UBTF: variants seen among roughly 807,000 people sequenced by gnomAD.
The protein encoded by UBTF is upstream binding transcription factor.
In UBTF, 8 loss-of-function variants were observed where a neutral mutation model predicts 112.3. That is an observed-to-expected ratio of 0.07 (90% CI 0.04 to 0.13). UBTF has a LOEUF of 0.13. Ranked by LOEUF, UBTF falls within the 10% of genes least tolerant of loss-of-function variation. UBTF has a pLI of 1.00. For synonymous variants in UBTF, 417 were observed against 373.1 expected, an observed-to-expected ratio of 1.12 and a Z score of -1.36; for missense variants, 457 against 982.1, an observed-to-expected ratio of 0.47 and a Z score of 7.15.
rs769509414 is a variant in UBTF at position 44,212,496 on chromosome 17, G to A, written c.661-42C>T. On this transcript the variant is annotated intron_variant, in intron 7 of 20. Transcript: ENST00000436088. Reference sequence around the variant, plus strand: ...GTCAGACACGCACAGGCAGCCAGGGGCAGGGGGAGGGGGGAAGGGGGAAGG... The same window carrying A: ...GTCAGACACGCACAGGCAGCCAGGGACAGGGGGAGGGGGGAAGGGGGAAGG... The A allele has an allele frequency of 2.8e-4, 352 of 1,237,482 alleles. 3 individuals carry two copies. In the Middle Eastern group the frequency reaches 6.7e-3, roughly 23 times the overall value. 76.7% of individuals were successfully genotyped at this position (1,237,482 alleles called of 1,614,324 possible). A position where few individuals can be genotyped will look rare whatever the true frequency, so the allele number is the denominator to read the frequency against.
Position 44,211,353 on chromosome 17 carries a change from G to T in UBTF, c.1048-22C>A. 6.2e-7 allele frequency: 1 copy of T among 1,613,656 alleles called. No individual in the cohort carries two copies. The highest frequency in any genetic ancestry group is 1.1e-5 in the South Asian group (1 of 91,008). On this transcript the variant is annotated intron_variant, in intron 10 of 20. Coordinates refer to ENST00000436088, the MANE Select transcript of UBTF (RefSeq NM_014233.4). The surrounding 1 kb of genome is among the most constrained non-coding windows in gnomAD (Gnocchi z 4.9). ...TTTTCTGGGAAAGTGAGTGGAGTCA[G>T]GATCAGTCTGGAGACAGTGTCACCA...
intron 17 of UBTF, among the ~76,000 whole-genome samples, chr17:44,208,347 T>C (rs1228617513): frequency 6.6e-6 from 1 of 152,178 alleles, no homozygotes; most frequent in African/African-American, 2.4e-5. Flanking sequence ...CAAGTGATCC[T>C]TCATACCTTG....
chr17:44,212,972 G>A (rs771267447), intron 6 of UBTF, 33 bp from the exon 7 acceptor site: 5 of 1,611,130 alleles, frequency 3.1e-6, no homozygotes, highest in Non-Finnish European at 4.2e-6. Flanking sequence ...GGATCAGCAG[G>A]GGACGCTGCC....
chr17:44,220,503 C>A (rs1188484043), upstream of UBTF, among the ~76,000 whole-genome samples: 1 of 104,466 alleles, frequency 9.6e-6, no homozygotes, highest in Non-Finnish European at 1.7e-5. Context: ...ACATACGAAA[C>A]TTAAAAAAAA....
intron 8 of UBTF, 94 bp downstream of exon 8, chr17:44,212,250 G>A (rs1014299570): frequency 9.2e-7 from 1 of 1,089,732 alleles, no homozygotes; most frequent in Non-Finnish European, 1.4e-6. Flanking sequence ...AGAGGGATGG[G>A]GAGTGACACC....
chr17:44,218,503 G>A (rs1461996888), intron 1 of UBTF: 2 of 410,682 alleles, frequency 4.9e-6, no homozygotes, highest in Non-Finnish European at 8.3e-6. Context: ...CCGGCTCCGC[G>A]GCGCGCGCCC....
chr17:44,214,397 G>C (rs1019577171), intron 5 of UBTF, among the ~76,000 whole-genome samples: 1 of 152,206 alleles, frequency 6.6e-6, no homozygotes, highest in Non-Finnish European at 1.5e-5. Context: ...ACTTACCAAA[G>C]GCCCCATACA....
rs776895433 is a variant in UBTF at position 44,207,477 on chromosome 17, C to T, written c.2146G>A (p.Asp716Asn). ...GGDSSESSSEDESEDGDENEE... is the reference protein window; with the variant it reads ...GGDSSESSSENESEDGDENEE... Reference sequence around the variant, plus strand: ...ACCTCATCCCCATCCTCGCTCTCGTCCTCGCTGCTGGACTCAGAGGAGTCG... The same window carrying T: ...ACCTCATCCCCATCCTCGCTCTCGTTCTCGCTGCTGGACTCAGAGGAGTCG... Residue 716 changes from aspartate to asparagine, a missense_variant, in exon 20 of 21, where the codon GAC becomes AAC. This residue lies in a region of UBTF where 139 missense variants were observed against 157.5 expected (regional missense o/e 0.88). Transcript: ENST00000436088. 2 of 1,614,118 alleles carry T rather than the reference C, an allele frequency of 1.2e-6. No individual in the cohort carries two copies. The highest frequency in any genetic ancestry group is 1.7e-6 in the Non-Finnish European group (2 of 1,180,004).
chr17:44,220,567 C>T (rs1450736724), upstream of UBTF, among the ~76,000 whole-genome samples: 5 of 152,004 alleles, frequency 3.3e-5, no homozygotes, highest in Non-Finnish European at 5.9e-5. Flanking sequence ...TTGCTCTTTA[C>T]ACCCCGGAAA....
chr17:44,212,953 G>C lies in UBTF; in HGVS notation c.540-14C>G, dbSNP rs529285755. On this transcript the variant is annotated splice_polypyrimidine_tract_variant and intron_variant, in intron 6 of 20. Coordinates refer to ENST00000436088, the MANE Select transcript of UBTF (RefSeq NM_014233.4). ...GGGTGATCCTCCCTAGCCAGGACACGGGGAGCAAGGATCAGCAGGGGACGC... is the reference window on the plus strand; with the variant it reads ...GGGTGATCCTCCCTAGCCAGGACACCGGGAGCAAGGATCAGCAGGGGACGC... 7 of 1,613,352 alleles carry C rather than the reference G, an allele frequency of 4.3e-6. No homozygotes were observed. The highest frequency in any genetic ancestry group is 5.9e-6 in the Non-Finnish European group (7 of 1,179,592).
Position 44,207,515 on chromosome 17 carries a change from G to A in UBTF, c.2108C>T (p.Ser703Phe). The A allele has an allele frequency of 6.2e-7, 1 of 1,613,892 alleles. No homozygotes were observed. Residue 703 changes from serine to phenylalanine, a missense_variant, in exon 20 of 21, where the codon TCT (serine) becomes TTT (phenylalanine). Around this residue, in one of 7 missense-constraint regions of UBTF, gnomAD observed 139 missense variants for 157.5 expected, o/e 0.88. Coordinates refer to ENST00000436088, the MANE Select transcript of UBTF (RefSeq NM_014233.4). Reference sequence around the variant, plus strand: ...CTCAGAGGAGTCGCCGCCATCTTCAGAGGAGTCCCCATTCTCATCATCTTC... The same window carrying A: ...CTCAGAGGAGTCGCCGCCATCTTCAAAGGAGTCCCCATTCTCATCATCTTC... ...EEEDDENGDS[S>F]EDGGDSSESS... is the part of the protein sequence containing the mutation.
chr17:44,212,800 C>T lies in UBTF; in HGVS notation c.660+19G>A. On this transcript the variant is annotated intron_variant, in intron 7 of 20. Coordinates refer to ENST00000436088, the MANE Select transcript of UBTF (RefSeq NM_014233.4). ...ACCGCCGTGCATCCTCCACCCCCAACCCTTGGCCGGACACTCACATCTGGC... is the reference window on the plus strand; with the variant it reads ...ACCGCCGTGCATCCTCCACCCCCAATCCTTGGCCGGACACTCACATCTGGC... 1 of 1,613,394 alleles carries T rather than the reference C, an allele frequency of 6.2e-7. No homozygotes were observed. The highest frequency in any genetic ancestry group is 8.5e-7 in the Non-Finnish European group (1 of 1,179,610).
intron 7 of UBTF, 150 bp downstream of exon 7, chr17:44,212,669 G>T: frequency 1.4e-6 from 2 of 1,394,250 alleles, no homozygotes; most frequent in Non-Finnish European, 2.0e-6. Context: ...ACGCTTGCAC[G>T]CCAGCTGGCC....
rs761237055 is a variant in UBTF, at chr17:44,211,825, C to T, written c.905+48G>A. 3 of 1,602,812 alleles carry T rather than the reference C, an allele frequency of 1.9e-6. No homozygotes were observed. Among genetic ancestry groups the T allele is most frequent in the South Asian group, 2.2e-5 (2 of 90,334 alleles). On this transcript the variant is annotated intron_variant, in intron 9 of 20. Transcript: ENST00000436088. The surrounding 1 kb of genome is among the most constrained non-coding windows in gnomAD (Gnocchi z 4.9). ...GCCTTCTCACCTGCAGAGCCCAGCC[C>T]AACTTCCCAGCTGCCCACTCGCCCA... is the stretch of plus-strand genomic sequence containing the variant.
rs752798484 is a variant in UBTF at position 44,212,873 on chromosome 17, G to A, written c.606C>T (p.Pro202=). ...TCTCGTGGGTGTACCACAGCTGCTGGGGGGTTTTGGGCTTCTCTGGGATGT... is the reference window on the plus strand; with the variant it reads ...TCTCGTGGGTGTACCACAGCTGCTGAGGGGTTTTGGGCTTCTCTGGGATGT... ...KSDIPEKPKT[P]QQLWYTHEKK... is the part of the protein sequence containing the mutation. The change falls in exon 7 of 21, where the codon CCC becomes CCT. Residue 202 remains proline (P), a synonymous_variant. Coordinates refer to ENST00000436088, the MANE Select transcript of UBTF (RefSeq NM_014233.4). 3.1e-6 allele frequency: 5 copies of A among 1,614,128 alleles called. No individual in the cohort carries two copies. The highest frequency in any genetic ancestry group is 2.2e-5 in the East Asian group (1 of 44,878).
rs2056782140 is a variant in UBTF, at chr17:44,212,810, G to A, written c.660+9C>T. The A allele has an allele frequency of 6.2e-7, 1 of 1,613,744 alleles. No individual in the cohort carries two copies. On this transcript the variant is annotated intron_variant, in intron 7 of 20. Coordinates refer to ENST00000436088, the MANE Select transcript of UBTF (RefSeq NM_014233.4). ...ATCCTCCACCCCCAACCCTTGGCCG[G>A]ACACTCACATCTGGCCGCACTTTGA... is the stretch of plus-strand genomic sequence containing the variant.
At chr17:44,214,457 C>T (rs952795988) in intron 5 of UBTF, among the ~76,000 whole-genome samples, 5 of 152,206 alleles carry the variant, frequency 3.3e-5, no homozygotes, top group Admixed American at 3.3e-4. Context: ...CTTGTGTCCC[C>T]CAGGACAGCA....
Position 44,207,785 on chromosome 17 carries a change from C to A in UBTF, c.1954-15G>T. ...CTCTTACGTTTCTGCAGGATGGGGACACAAAGGTGGCAGCCATGAGTTCGA... is the reference window on the plus strand; with the variant it reads ...CTCTTACGTTTCTGCAGGATGGGGAAACAAAGGTGGCAGCCATGAGTTCGA... On this transcript the variant is annotated splice_polypyrimidine_tract_variant and intron_variant, in intron 18 of 20. Coordinates refer to ENST00000436088, the MANE Select transcript of UBTF (RefSeq NM_014233.4). 1 of 1,614,166 alleles carries A rather than the reference C, an allele frequency of 6.2e-7. No homozygotes were observed. Among genetic ancestry groups the A allele is most frequent in the South Asian group, 1.1e-5 (1 of 91,080 alleles).
chr17:44,211,970 G>T lies in UBTF; in HGVS notation c.808C>A (p.Leu270Met), dbSNP rs34864025. 7 of 1,613,868 alleles carry T rather than the reference G, an allele frequency of 4.3e-6. No individual in the cohort carries two copies. Among genetic ancestry groups the T allele is most frequent in the Non-Finnish European group, 5.9e-6 (7 of 1,179,970 alleles). Residue 270 changes from leucine (L) to methionine (M), a missense_variant, in exon 9 of 21, where the codon CTG (leucine) becomes ATG (methionine). By Grantham distance (15) the Leu-to-Met change is conservative. Coordinates refer to ENST00000436088, the MANE Select transcript of UBTF (RefSeq NM_014233.4). The surrounding 1 kb of genome is among the most constrained non-coding windows in gnomAD (Gnocchi z 4.9). ...GTGATACCCTCCTCACTGATGTTCA[G>T]CTCTGGGTGCTTCTGGATATAGTCT... is the stretch of plus-strand genomic sequence containing the variant. ...MRDYIQKHPELNISEEGITKS... is the reference protein window; with the variant it reads ...MRDYIQKHPEMNISEEGITKS...
Sources: allele counts gnomAD v4.1 joint callset (sites outside exome capture counted in the v4.1 genomes callset), GRCh38; gene constraint gnomAD v4.1.1; regional missense constraint gnomAD v4.1.1; non-coding constraint Gnocchi (gnomAD v3.1); transcripts MANE v1.5; gene names NCBI Gene and HGNC (gene_info 2026-07-23, HGNC 2026-07-21).